GRIN3A: variants seen among roughly 807,000 people sequenced by gnomAD.
GRIN3A encodes the protein glutamate receptor ionotropic, NMDA 3A.
A neutral mutation model predicts 92.4 loss-of-function variants in GRIN3A; 47 were observed. The ratio of observed to expected loss-of-function variants is 0.51; its 90% CI spans 0.40 to 0.65. The LOEUF is 0.65. GRIN3A is among the 30% of genes least tolerant of loss of function. The probability of loss-of-function intolerance (pLI) is 0.00; values close to 1 mark genes in which losing one functional copy is unlikely to be tolerated. For missense variants in GRIN3A, 1,324 were observed against 1,393.1 expected (o/e 0.95, Z 0.79); for synonymous variants, 527 against 540.6 (o/e 0.97, Z 0.35).
chr9:101,596,003 C>T (rs754779693), intron 6 of GRIN3A, among the ~76,000 whole-genome samples: 45 of 152,238 alleles, frequency 3.0e-4, no homozygotes, highest in Non-Finnish European at 5.1e-4. Context: ...CCTTTCGGAG[C>T]GCATCAATTA....
At chr9:101,724,420 G>A (rs1051197245) in intron 1 of GRIN3A, among the ~76,000 whole-genome samples, 19 of 152,132 alleles carry the variant, frequency 1.2e-4, no homozygotes, top group Admixed American at 3.9e-4. Flanking sequence ...TGCGGGGCCC[G>A]CCAAGCCCAC....
At chr9:101,619,883 A>G (rs1828525157) in intron 5 of GRIN3A, among the ~76,000 whole-genome samples, 1 of 152,120 alleles carries the variant, frequency 6.6e-6, no homozygotes, top group Non-Finnish European at 1.5e-5. Context: ...CACAATATGT[A>G]TTTGTGCCCC....
chr9:101,679,764 A>G lies in GRIN3A; in HGVS notation c.1304+6832T>C, dbSNP rs373807665. Among the ~76,000 whole-genome samples the G allele has an allele frequency of 1.6e-4, 24 of 152,334 alleles. No individual in the cohort carries two copies. In the East Asian group the frequency reaches 4.3e-3, roughly 27 times the overall value. On this transcript the variant is annotated intron_variant, in intron 2 of 8. Coordinates refer to ENST00000361820, the MANE Select transcript of GRIN3A (RefSeq NM_133445.3). ...AGCAATGTGTTCTTCTCGGGACTCC[A>G]GGGAGCTAGTGCTAAGCAGCCTCCA...
intron 3 of GRIN3A, among the ~76,000 whole-genome samples, chr9:101,662,483 G>A (rs1022004845): frequency 6.6e-6 from 1 of 151,434 alleles, no homozygotes; most frequent in Non-Finnish European, 1.5e-5. Flanking sequence ...AATAGTGCTC[G>A]GCATGTGGGA....
chr9:101,660,253 G>A (rs750864057), intron 3 of GRIN3A, among the ~76,000 whole-genome samples: 1 of 151,778 alleles, frequency 6.6e-6, no homozygotes, highest in Admixed American at 6.6e-5. Flanking sequence ...ATGGTCTTAG[G>A]TGTTATTTGC....
intron 2 of GRIN3A, among the ~76,000 whole-genome samples, chr9:101,677,826 T>C (rs1829419271): frequency 6.6e-6 from 1 of 152,168 alleles, no homozygotes; most frequent in South Asian, 2.1e-4. Flanking sequence ...ACATTAAATG[T>C]GCGTGATTTC....
intron 1 of GRIN3A, among the ~76,000 whole-genome samples, chr9:101,689,174 G>A (rs985208627): frequency 6.6e-6 from 1 of 152,106 alleles, no homozygotes; most frequent in African/African-American, 2.4e-5. Context: ...AGCAATGGAA[G>A]GCAAGCTCCA....
chr9:101,584,775 A>G (rs1331027765), intron 6 of GRIN3A, among the ~76,000 whole-genome samples: 1 of 152,210 alleles, frequency 6.6e-6, no homozygotes, highest in Non-Finnish European at 1.5e-5. Context: ...GTATAGGATA[A>G]GATTATAAAC....
intron 1 of GRIN3A, among the ~76,000 whole-genome samples, chr9:101,688,032 A>G (rs767568239): frequency 1.9e-4 from 29 of 152,256 alleles, no homozygotes; most frequent in Non-Finnish European, 3.5e-4. Context: ...AGCATCTGAC[A>G]TCCTGACAAT....
intron 1 of GRIN3A, among the ~76,000 whole-genome samples, chr9:101,693,573 T>C (rs1043444748): frequency 1.3e-5 from 2 of 152,172 alleles, no homozygotes; most frequent in Non-Finnish European, 2.9e-5. Flanking sequence ...TTTCCAATTA[T>C]TTGCCAGTAA....
chr9:101,670,712 G>C lies in GRIN3A; in HGVS notation c.1700C>G (p.Thr567Arg). Residue 567 changes from threonine (T) to arginine (R), a missense_variant, in exon 3 of 9, where the codon ACA (threonine) becomes AGA (arginine). Thr to Arg is a moderately conservative substitution (Grantham distance 71). Coordinates refer to ENST00000361820, the MANE Select transcript of GRIN3A (RefSeq NM_133445.3). ...GCACTTCTTGAATTTAATGGGCACTGTATCATTACTGCTATGGAGGCTGCT... is the reference window on the plus strand; with the variant it reads ...GCACTTCTTGAATTTAATGGGCACTCTATCATTACTGCTATGGAGGCTGCT... ...LFSSLHSSND[T>R]VPIKFKKCCY... is the part of the protein sequence containing the mutation. The C allele has an allele frequency of 6.2e-7, 1 of 1,614,058 alleles. No homozygotes were observed. The highest frequency in any genetic ancestry group is 1.3e-5 in the African/African-American group (1 of 75,056).
At chr9:101,688,232 C>T (rs926509908) in intron 1 of GRIN3A, among the ~76,000 whole-genome samples, 4 of 152,214 alleles carry the variant, frequency 2.6e-5, no homozygotes, top group South Asian at 2.1e-4. Context: ...GTGGCCTGTC[C>T]CTACGTACCA....
At chr9:101,617,124 C>T (rs1424541986) in intron 5 of GRIN3A, among the ~76,000 whole-genome samples, 25 of 146,634 alleles carry the variant, frequency 1.7e-4, no homozygotes, top group Non-Finnish European at 2.2e-4. Context: ...GGCGTGAACC[C>T]GGGAAGCGGA....
Position 101,670,561 on chromosome 9 carries a change from C to T in GRIN3A, c.1851G>A (p.Val617=), listed in dbSNP as rs878868603. 11 of 1,613,934 alleles carry T rather than the reference C, an allele frequency of 6.8e-6. No individual in the cohort carries two copies. Among genetic ancestry groups the T allele is most frequent in the East Asian group, 4.5e-5 (2 of 44,868 alleles). Residue 617 remains valine (V), a synonymous_variant, in exon 3 of 9, where the codon GTG becomes GTA. Transcript: ENST00000361820. Reference sequence around the variant, plus strand: ...GGGCAGTCCCTCTCAGGAGATCACCCACTAGCCCAGTCCAGTGCCCATTTT... The same window carrying T: ...GGGCAGTCCCTCTCAGGAGATCACCTACTAGCCCAGTCCAGTGCCCATTTT... ...AWKNGHWTGL[V]GDLLRGTAHM...
intron 6 of GRIN3A, among the ~76,000 whole-genome samples, chr9:101,585,373 A>G (rs1196522218): frequency 2.0e-5 from 3 of 152,202 alleles, no homozygotes; most frequent in African/African-American, 7.2e-5. Flanking sequence ...ATTCAGAGTC[A>G]GCTTTAAATA....
At chr9:101,708,438 A>T (rs776354932) in intron 1 of GRIN3A, among the ~76,000 whole-genome samples, 5 of 152,118 alleles carry the variant, frequency 3.3e-5, no homozygotes, top group Non-Finnish European at 7.4e-5. Context: ...GCACTAGGGG[A>T]CTATTTTGTA....
At chr9:101,725,745 C>G (rs1025101931) in intron 1 of GRIN3A, among the ~76,000 whole-genome samples, 5 of 152,148 alleles carry the variant, frequency 3.3e-5, no homozygotes, top group South Asian at 4.1e-4. Context: ...TCCCCTTATT[C>G]AACAATTATT....
intron 1 of GRIN3A, among the ~76,000 whole-genome samples, chr9:101,711,138 T>C (rs1829871940): frequency 1.3e-5 from 2 of 152,288 alleles, no homozygotes; most frequent in South Asian, 4.1e-4. Context: ...GTGAGGTGAA[T>C]GGCATTGGCA....
intron 1 of GRIN3A, among the ~76,000 whole-genome samples, chr9:101,691,638 T>A (rs1273796972): frequency 1.3e-5 from 2 of 152,202 alleles, no homozygotes; most frequent in Admixed American, 6.5e-5. Context: ...TAGTCTCAGA[T>A]AAATGGTTGG....
Sources: gnomAD v4.1 joint callset for allele counts (sites outside exome capture counted in the v4.1 genomes callset) on GRCh38, gnomAD v4.1.1 for gene constraint, MANE v1.5 for transcripts, NCBI Gene and HGNC (gene_info 2026-07-23, HGNC 2026-07-21) for gene names.